PCDHGA5: variants seen among roughly 807,000 people sequenced by gnomAD.
The protein encoded by PCDHGA5 is protocadherin gamma subfamily A, 5, also known as protocadherin gamma-A5.
In PCDHGA5, 36 loss-of-function variants were observed where a neutral mutation model predicts 56.7. The observed-to-expected ratio is 0.64, with a 90% CI of 0.49 to 0.84. The LOEUF is 0.84. Ranked by LOEUF, PCDHGA5 falls within the 40% of genes least tolerant of loss-of-function variation. PCDHGA5 has a pLI of 0.00. For synonymous variants in PCDHGA5, 563 were observed against 520.2 expected, an observed-to-expected ratio of 1.08 and a Z score of -1.12; for missense variants, 1,305 against 1,201.5, an observed-to-expected ratio of 1.09 and a Z score of -1.27.
chr5:141,422,338 A>C, intron 1 of PCDHGA5: 1 of 1,550,090 alleles, frequency 6.5e-7, no homozygotes, highest in Non-Finnish European at 8.7e-7. Flanking sequence ...TGCTCTTCTA[A>C]ATGTGCAAGA....
At chr5:141,419,959 T>C (rs765017440) in intron 1 of PCDHGA5, 5 of 1,614,104 alleles carry the variant, frequency 3.1e-6, no homozygotes, top group Non-Finnish European at 3.4e-6. Flanking sequence ...CCTTGATTTC[T>C]GTGCTCTTTC....
chr5:141,437,247 C>T (rs2097870457), intron 1 of PCDHGA5, among the ~76,000 whole-genome samples: 2 of 152,090 alleles, frequency 1.3e-5, no homozygotes, highest in Non-Finnish European at 2.9e-5. Context: ...AAGGACTTTC[C>T]TTGTCTTTTT....
chr5:141,432,235 T>C lies in PCDHGA5; in HGVS notation c.2422-62572T>C, dbSNP rs1240828849. 1 of 1,614,102 alleles carries C rather than the reference T, an allele frequency of 6.2e-7. No individual in the cohort carries two copies. The highest frequency in any genetic ancestry group is 8.5e-7 in the Non-Finnish European group (1 of 1,180,050). ...ACGCCCAGATCACTTATTCCCTGGC[T>C]GAGAACACCATCCAAGGGGCAAGCC... On this transcript the variant is annotated intron_variant, in intron 1 of 3. Transcript: ENST00000518069. The surrounding 1 kb of genome is among the most constrained non-coding windows in gnomAD (Gnocchi z 6.0).
Position 141,397,950 on chromosome 5 carries a change from G to T in PCDHGA5, c.2421+31199G>T, listed in dbSNP as rs142142786. 7.7e-4 allele frequency: 722 copies of T among 938,408 alleles called. 6 individuals carry two copies. The African/African-American group carries it at 0.01, about 13-fold the overall frequency. 58.1% of individuals were successfully genotyped at this position (938,408 alleles called of 1,614,324 possible). A position where few individuals can be genotyped will look rare whatever the true frequency, so the allele number is the denominator to read the frequency against. On this transcript the variant is annotated intron_variant, in intron 1 of 3. Transcript: ENST00000518069. ...CAGCCGCAGCGCGCTTTCCAGGGCA[G>T]CCCCAGCTCAGACTCCCCAGCGCCG... is the stretch of plus-strand genomic sequence containing the variant.
intron 1 of PCDHGA5, chr5:141,385,861 G>A (rs561611576): frequency 8.5e-5 from 13 of 153,290 alleles, no homozygotes; most frequent in African/African-American, 2.6e-4. Flanking sequence ...GGTGGTAGTA[G>A]AAGGTTGGAT....
intron 1 of PCDHGA5, chr5:141,370,472 C>G: frequency 1.2e-6 from 2 of 1,613,450 alleles, no homozygotes; most frequent in Non-Finnish European, 1.7e-6. Context: ...CTTTGTTAGA[C>G]CAGGCTCTCT....
chr5:141,408,153 C>T, intron 1 of PCDHGA5: 4 of 1,509,360 alleles, frequency 2.7e-6, no homozygotes, highest in Non-Finnish European at 3.6e-6. Context: ...CGGTAGAGTG[C>T]ACTTTCTCCA....
chr5:141,401,342 C>CA (rs929380194), intron 1 of PCDHGA5, among the ~76,000 whole-genome samples: 26 of 150,494 alleles, frequency 1.7e-4, no homozygotes, highest in East Asian at 1.6e-3. Context: ...AACTCCATCT[C>CA]AAAAAAAAGG....
chr5:141,387,244 C>T (rs1267995802), intron 1 of PCDHGA5, among the ~76,000 whole-genome samples: 2 of 152,024 alleles, frequency 1.3e-5, no homozygotes, highest in South Asian at 2.1e-4. Context: ...CTTGGAGGTA[C>T]TTAGAAAAGT....
Position 141,365,243 on chromosome 5 carries a change from C to T in PCDHGA5, c.913C>T (p.Gln305Ter). The T allele has an allele frequency of 6.2e-7, 1 of 1,613,982 alleles. No homozygotes were observed. The highest frequency in any genetic ancestry group is 8.5e-7 in the Non-Finnish European group (1 of 1,179,888). Reference protein sequence around the residue: ...DSNLGEISTLQSLDYEESRFY... With the variant: ...DSNLGEISTL ...CAACCTGGGGGAAATCTCAACTCTA[C>T]AATCACTGGACTATGAAGAATCCAG... The change falls in exon 1 of 4, where the codon CAA becomes TAA. Residue 305 changes from glutamine to a stop codon, truncating the protein, a stop_gained. Transcript: ENST00000518069. LOFTEE classifies it high-confidence loss of function.
chr5:141,470,369 T>C (rs751264270), intron 1 of PCDHGA5, among the ~76,000 whole-genome samples: 2 of 152,226 alleles, frequency 1.3e-5, no homozygotes, highest in Non-Finnish European at 1.5e-5. Context: ...TTAGGTTGAA[T>C]GGAAAGACTA....
At chr5:141,420,412 T>G in intron 1 of PCDHGA5, 1 of 1,225,004 alleles carries the variant, frequency 8.2e-7, no homozygotes, top group African/African-American at 1.6e-5. Flanking sequence ...TGGTTATCAT[T>G]ATTAAAACAA....
chr5:141,404,185 C>T, intron 1 of PCDHGA5: 1 of 1,613,214 alleles, frequency 6.2e-7, no homozygotes, highest in Non-Finnish European at 8.5e-7. Context: ...AAATTCTTGA[C>T]CGAGAAAAAG....
intron 1 of PCDHGA5, chr5:141,413,704 A>C (rs749988351): frequency 6.2e-7 from 1 of 1,613,616 alleles, no homozygotes; most frequent in South Asian, 1.1e-5. Flanking sequence ...CTATCAGCTC[A>C]GCCCCAATAA....
intron 1 of PCDHGA5, among the ~76,000 whole-genome samples, chr5:141,435,462 T>G (rs1206913100): frequency 6.6e-6 from 1 of 152,230 alleles, no homozygotes; most frequent in Non-Finnish European, 1.5e-5. Flanking sequence ...TGTATGTGTT[T>G]CCAAGTTAGA....
At chr5:141,408,504 G>C (rs752297449) in intron 1 of PCDHGA5, 2 of 1,613,936 alleles carry the variant, frequency 1.2e-6, no homozygotes, top group Non-Finnish European at 1.7e-6. Context: ...GAGAGAAGAA[G>C]ATGTGAGTTG....
At chr5:141,456,492 G>C (rs542424798) in intron 1 of PCDHGA5, among the ~76,000 whole-genome samples, 1 of 152,284 alleles carries the variant, frequency 6.6e-6, no homozygotes, top group African/African-American at 2.4e-5. Flanking sequence ...GCTTAATAAA[G>C]GGGTTAACCA....
At chr5:141,509,486 A>G (rs1022659275) in intron 3 of PCDHGA5, among the ~76,000 whole-genome samples, 10 of 152,132 alleles carry the variant, frequency 6.6e-5, no homozygotes, top group African/African-American at 2.4e-4. Flanking sequence ...GGTAGAGGTG[A>G]TGGCATGCTG....
chr5:141,372,455 G>C, intron 1 of PCDHGA5: 1 of 1,614,060 alleles, frequency 6.2e-7, no homozygotes, highest in Non-Finnish European at 8.5e-7. Flanking sequence ...CTCAGGCGGA[G>C]CTACAGTTTC....
Sources: allele counts gnomAD v4.1 joint callset (sites outside exome capture counted in the v4.1 genomes callset), GRCh38; gene constraint gnomAD v4.1.1; non-coding constraint Gnocchi (gnomAD v3.1); transcripts MANE v1.5; gene names NCBI Gene and HGNC (gene_info 2026-07-23, HGNC 2026-07-21).